The following CYRIB variants were observed in gnomAD, a reference collection of about 807,000 sequenced individuals.
CYRIB encodes CYFIP-related Rac1 interactor B.
Under a neutral mutation model 44.2 loss-of-function variants are expected in CYRIB, and 8 were observed. That is an observed-to-expected ratio of 0.18 (90% confidence interval 0.11 to 0.33). CYRIB has a LOEUF of 0.33. Ranked by LOEUF, CYRIB falls within the 10% of genes least tolerant of loss-of-function variation. The pLI, the probability that CYRIB is intolerant of heterozygous loss-of-function variation, is 1.00. For missense variants in CYRIB, 185 were observed against 382.8 expected (o/e 0.48, Z 4.31); for synonymous variants, 131 against 127.2 (o/e 1.03, Z -0.20).
intron 2 of CYRIB, among the ~76,000 whole-genome samples, chr8:129,887,615 G>C (rs777629196): frequency 6.6e-6 from 1 of 152,338 alleles, no homozygotes; most frequent in East Asian, 1.9e-4. Flanking sequence ...CAGCCCTTGA[G>C]AGCAGCCATG....
At chr8:130,001,468 C>T (rs2096905075) in intron 1 of CYRIB, among the ~76,000 whole-genome samples, 1 of 151,694 alleles carries the variant, frequency 6.6e-6, no homozygotes. Flanking sequence ...ACAGAAAACA[C>T]TTGGCAACTG....
intron 5 of CYRIB, among the ~76,000 whole-genome samples, chr8:129,856,274 GCTT>G (rs1294828168): frequency 2.6e-5 from 4 of 152,116 alleles, no homozygotes; most frequent in Non-Finnish European, 5.9e-5. Context: ...GGTTCAATAA[GCTT>G]CTTGTCTTAG....
chr8:129,950,571 G>GAAA lies in CYRIB; in HGVS notation c.-243+20369_-243+20371dup, dbSNP rs1231298522. ...GGTGACAAAGCAAGACCATCTCAAA[G>GAAA]AAAAAAAAAAAAATGAAGAAACTAA... On this transcript the variant is annotated intron_variant, in intron 2 of 14. Transcript: ENST00000401979. Among the ~76,000 whole-genome samples the GAAA allele has an allele frequency of 6.7e-4, 86 of 128,116 alleles. No individual in the cohort carries two copies. The South Asian group carries it at 0.013, about 19-fold the overall frequency. 84.0% of individuals were successfully genotyped at this position (128,116 alleles called of 152,430 possible). A position where few individuals can be genotyped will look rare whatever the true frequency, so the allele number is the denominator to read the frequency against.
At chr8:129,954,266 A>G (rs1274388550) in intron 2 of CYRIB, among the ~76,000 whole-genome samples, 1 of 152,068 alleles carries the variant, frequency 6.6e-6, no homozygotes, top group African/African-American at 2.4e-5. Flanking sequence ...TGTGTCCCCC[A>G]GGCTGGAGTG....
At chr8:129,861,909 T>C (rs1242063021) in intron 5 of CYRIB, among the ~76,000 whole-genome samples, 2 of 152,170 alleles carry the variant, frequency 1.3e-5, no homozygotes, top group Non-Finnish European at 2.9e-5. Context: ...TTTTCCCATA[T>C]ATGGGAAAGT....
chr8:129,853,234 T>C (rs2131647367), intron 7 of CYRIB, among the ~76,000 whole-genome samples: 1 of 152,318 alleles, frequency 6.6e-6, no homozygotes, highest in South Asian at 2.1e-4. Context: ...GGGTATAGTA[T>C]AGGATTGGCT....
At chr8:129,970,130 C>T (rs989743221) in intron 2 of CYRIB, among the ~76,000 whole-genome samples, 1 of 152,154 alleles carries the variant, frequency 6.6e-6, no homozygotes, top group East Asian at 1.9e-4. Context: ...CCAAGCTGTA[C>T]GATTAAGATT....
chr8:129,861,330 A>G (rs1271745409), intron 5 of CYRIB, among the ~76,000 whole-genome samples: 1 of 152,228 alleles, frequency 6.6e-6, no homozygotes, highest in East Asian at 1.9e-4. Context: ...TGAAGACACA[A>G]TTCTGACCTT....
chr8:129,916,776 T>C (rs1237652030), intron 1 of CYRIB, among the ~76,000 whole-genome samples: 1 of 152,230 alleles, frequency 6.6e-6, no homozygotes, highest in Non-Finnish European at 1.5e-5. Flanking sequence ...TGAGGGAAGA[T>C]AAAATTTGTT....
chr8:129,868,914 C>T (rs1021995577), intron 4 of CYRIB, among the ~76,000 whole-genome samples: 2 of 145,704 alleles, frequency 1.4e-5, no homozygotes, highest in South Asian at 2.2e-4. Flanking sequence ...AAAAAAAACC[C>T]GGGCTGGGCA....
chr8:129,914,258 G>T (rs1490284864), intron 1 of CYRIB, among the ~76,000 whole-genome samples: 1 of 152,200 alleles, frequency 6.6e-6, no homozygotes, highest in Non-Finnish European at 1.5e-5. Flanking sequence ...AATATAAATG[G>T]AGTTACAAAA....
chr8:129,996,154 T>C (rs933921254), intron 1 of CYRIB, among the ~76,000 whole-genome samples: 3 of 152,212 alleles, frequency 2.0e-5, no homozygotes. Context: ...CAAGGCACTT[T>C]GCTTAGAGCT....
chr8:129,972,031 T>C (rs748085547), intron 1 of CYRIB, among the ~76,000 whole-genome samples: 2 of 152,214 alleles, frequency 1.3e-5, no homozygotes, highest in Non-Finnish European at 2.9e-5. Context: ...TTAGCTGCCT[T>C]AGTGTTTTCT....
upstream of CYRIB, chr8:129,940,003 G>C (rs990704469): frequency 6.6e-6 from 1 of 152,384 alleles, no homozygotes; most frequent in Admixed American, 6.5e-5. Context: ...TGGTCGGCGG[G>C]CGCGGCGTGC....
intron 2 of CYRIB, among the ~76,000 whole-genome samples, chr8:129,945,693 T>C (rs937661039): frequency 6.6e-6 from 1 of 152,134 alleles, no homozygotes; most frequent in African/African-American, 2.4e-5. Context: ...CTCAGCCTCC[T>C]GAGTGAGTAG....
chr8:129,846,354 C>T (rs1196069859), intron 11 of CYRIB, among the ~76,000 whole-genome samples: 1 of 152,140 alleles, frequency 6.6e-6, no homozygotes, highest in African/African-American at 2.4e-5. Flanking sequence ...AAAAAGATAA[C>T]TACTACATAG....
intron 1 of CYRIB, among the ~76,000 whole-genome samples, chr8:129,981,165 G>T (rs1000683170): frequency 6.6e-6 from 1 of 151,738 alleles, no homozygotes; most frequent in Admixed American, 6.6e-5. Flanking sequence ...TTCAAGACAA[G>T]GTCTGGCTCT....
intron 2 of CYRIB, among the ~76,000 whole-genome samples, chr8:129,963,684 C>T (rs2095363461): frequency 6.6e-6 from 1 of 152,152 alleles, no homozygotes; most frequent in Admixed American, 6.6e-5. Flanking sequence ...ACCATTACAT[C>T]CCACGTTGCA....
chr8:129,904,211 C>A (rs1563691541), intron 1 of CYRIB, among the ~76,000 whole-genome samples: 2 of 152,170 alleles, frequency 1.3e-5, no homozygotes, highest in Admixed American at 6.5e-5. Flanking sequence ...TGTTTTCACT[C>A]TAGCTGAGGT....
Sources: gnomAD v4.1 joint callset for allele counts (sites outside exome capture counted in the v4.1 genomes callset) on GRCh38, gnomAD v4.1.1 for gene constraint, MANE v1.5 for transcripts, NCBI Gene and HGNC (gene_info 2026-07-23, HGNC 2026-07-21) for gene names.